Variants in DNAAF11 observed in about 807,000 individuals in gnomAD.
DNAAF11 encodes leucine rich repeat containing 6.
DNAAF11 carries 45 observed loss-of-function variants against 60.8 expected under a neutral mutation model. The ratio of observed to expected loss-of-function variants is 0.74; its 90% CI spans 0.58 to 0.95. The LOEUF (loss-of-function observed/expected upper bound fraction) is 0.95, where lower values mean the gene tolerates loss of function less well. Among genes scored for constraint, DNAAF11 ranks in the 40% least tolerant of loss-of-function variants. The probability of loss-of-function intolerance (pLI) is 0.00; values close to 1 mark genes in which losing one functional copy is unlikely to be tolerated. For synonymous variants in DNAAF11, 191 were observed against 183.5 expected (o/e 1.04, Z -0.33); for missense variants, 546 against 546.2 (o/e 1.00, Z 0.00).
intron 10 of DNAAF11, 22 bp from the exon 11 acceptor site, chr8:132,583,801 C>T (rs756376549): frequency 1.3e-6 from 2 of 1,531,058 alleles, no homozygotes; most frequent in East Asian, 2.3e-5. Flanking sequence ...ATGAAACACA[C>T]ACCAAGTGGT....
chr8:132,650,710 A>C (rs182844805), intron 3 of DNAAF11, among the ~76,000 whole-genome samples: 1 of 152,314 alleles, frequency 6.6e-6, no homozygotes, highest in East Asian at 1.9e-4. Flanking sequence ...ATAAATGTAG[A>C]AGATATATTT....
intron 7 of DNAAF11, among the ~76,000 whole-genome samples, chr8:132,618,052 C>T (rs1160773144): frequency 4.6e-5 from 7 of 150,734 alleles, no homozygotes; most frequent in African/African-American, 9.7e-5. Flanking sequence ...AACTACACTA[C>T]AAGGCTACAG....
the DNAAF11 span, among the ~76,000 whole-genome samples, chr8:132,690,344 G>C: frequency 6.6e-6 from 1 of 152,064 alleles, no homozygotes; most frequent in Non-Finnish European, 1.5e-5. Flanking sequence ...GGTTTTATAA[G>C]TGTTTGGAAG....
chr8:132,581,233 G>A (rs1004426595), intron 11 of DNAAF11, among the ~76,000 whole-genome samples: 4 of 152,070 alleles, frequency 2.6e-5, no homozygotes, highest in African/African-American at 9.7e-5. Flanking sequence ...TATGACCTCA[G>A]GGCAGGATGG....
At chr8:132,699,287 T>C in the DNAAF11 span, among the ~76,000 whole-genome samples, 1 of 151,972 alleles carries the variant, frequency 6.6e-6, no homozygotes. Flanking sequence ...CCTGAGAAGT[T>C]CAGAAAGAAG....
intron 10 of DNAAF11, among the ~76,000 whole-genome samples, chr8:132,587,716 G>A (rs1032901716): frequency 6.6e-6 from 1 of 152,144 alleles, no homozygotes; most frequent in South Asian, 2.1e-4. Flanking sequence ...AATCCACAGA[G>A]AGAAATGTAA....
chr8:132,585,181 G>C (rs560676499), intron 10 of DNAAF11, among the ~76,000 whole-genome samples: 1 of 152,290 alleles, frequency 6.6e-6, no homozygotes, highest in South Asian at 2.1e-4. Context: ...CATCAAGCTC[G>C]GGGAGGTTTG....
the DNAAF11 span, among the ~76,000 whole-genome samples, chr8:132,691,047 A>G: frequency 6.6e-6 from 1 of 150,434 alleles, no homozygotes; most frequent in Admixed American, 6.6e-5. Flanking sequence ...GAAGAAAGTC[A>G]CTATGTGTAG....
chr8:132,577,282 C>T (rs1405104983), intron 11 of DNAAF11, among the ~76,000 whole-genome samples: 1 of 152,174 alleles, frequency 6.6e-6, no homozygotes, highest in Non-Finnish European at 1.5e-5. Context: ...AAGATGCTAA[C>T]CTGGGGTCTT....
At chr8:132,671,191 T>C (rs1295384575) in intron 1 of DNAAF11, among the ~76,000 whole-genome samples, 1 of 152,146 alleles carries the variant, frequency 6.6e-6, no homozygotes. Context: ...GGAATTCATA[T>C]AAAAAGCTAA....
intron 1 of DNAAF11, among the ~76,000 whole-genome samples, chr8:132,668,596 G>T (rs1169109911): frequency 6.6e-6 from 1 of 151,956 alleles, no homozygotes; most frequent in Non-Finnish European, 1.5e-5. Flanking sequence ...CTGCCACCAC[G>T]CCTGGCTAAT....
chr8:132,691,072 G>A, the DNAAF11 span, among the ~76,000 whole-genome samples: 1 of 150,206 alleles, frequency 6.7e-6, no homozygotes, highest in African/African-American at 2.5e-5. Flanking sequence ...CACTTAAGGA[G>A]TGGGAAGTTG....
the DNAAF11 span, among the ~76,000 whole-genome samples, chr8:132,694,705 G>T: frequency 6.6e-6 from 1 of 152,156 alleles, no homozygotes; most frequent in Non-Finnish European, 1.5e-5. Flanking sequence ...CTCTATTTTG[G>T]ACATGTCAAG....
intron 10 of DNAAF11, among the ~76,000 whole-genome samples, chr8:132,600,839 A>G (rs1256026118): frequency 6.6e-6 from 1 of 152,286 alleles, no homozygotes; most frequent in African/African-American, 2.4e-5. Context: ...AACCTAGGCA[A>G]TACCATTCAG....
In DNAAF11 at chr8:132,661,515, T is replaced by C; in HGVS notation, c.123A>G (p.Lys41=). 1 of 1,613,594 alleles carries C rather than the reference T, an allele frequency of 6.2e-7. No homozygotes were observed. Among genetic ancestry groups the C allele is most frequent in the Non-Finnish European group, 8.5e-7 (1 of 1,179,718 alleles). ...QEIERLEHID[K]WCRDLKILYL... Reference sequence around the variant, plus strand: ...AGAGAATTTTTAAATCCCGGCACCATTTATCAATGTGTTCTAGTCTTTCTA... The same window carrying C: ...AGAGAATTTTTAAATCCCGGCACCACTTATCAATGTGTTCTAGTCTTTCTA... The change falls in exon 2 of 12, where the codon AAA becomes AAG. Residue 41 remains lysine, a synonymous_variant. Coordinates refer to ENST00000620350, the MANE Select transcript of DNAAF11 (RefSeq NM_012472.6).
At position 132,645,465 on chromosome 8, in the gene DNAAF11, G is replaced by C. The variant is rs941127634; in HGVS notation, c.257-7358C>G. Among the ~76,000 whole-genome samples, 10 of 152,298 alleles carry C rather than the reference G, an allele frequency of 6.6e-5. No homozygotes were observed. In the East Asian group the frequency reaches 1.7e-3, roughly 26 times the overall value. On this transcript the variant is annotated intron_variant, in intron 3 of 11. Transcript: ENST00000620350. ...GGAACGCAGCTCCTCGCCAGCAACGGAACAAAGCTGGACGGAGAATGACTT... is the reference window on the plus strand; with the variant it reads ...GGAACGCAGCTCCTCGCCAGCAACGCAACAAAGCTGGACGGAGAATGACTT...
At chr8:132,639,414 C>A (rs567114522) in intron 3 of DNAAF11, among the ~76,000 whole-genome samples, 7 of 152,300 alleles carry the variant, frequency 4.6e-5, no homozygotes, top group African/African-American at 1.7e-4. Context: ...GTTCTACACA[C>A]CCTTCCATTA....
At chr8:132,681,276 C>G in the DNAAF11 span, among the ~76,000 whole-genome samples, 1 of 149,830 alleles carries the variant, frequency 6.7e-6, no homozygotes, top group Admixed American at 6.6e-5. Flanking sequence ...TCCCGAAGTG[C>G]TGGGATTACA....
At chr8:132,600,350 A>C (rs1817480658) in intron 10 of DNAAF11, among the ~76,000 whole-genome samples, 1 of 152,104 alleles carries the variant, frequency 6.6e-6, no homozygotes, top group South Asian at 2.1e-4. Context: ...ATACTGCCCA[A>C]GGTAATTTAT....
Sources: allele counts gnomAD v4.1 joint callset (sites outside exome capture counted in the v4.1 genomes callset), GRCh38; gene constraint gnomAD v4.1.1; transcripts MANE v1.5; gene names NCBI Gene and HGNC (gene_info 2026-07-23, HGNC 2026-07-21).